OPCML: variants seen among roughly 807,000 people sequenced by gnomAD.
The protein encoded by OPCML is opioid-binding protein/cell adhesion molecule.
Under a neutral mutation model 37.8 loss-of-function variants are expected in OPCML, and 13 were observed. The observed-to-expected ratio is 0.34, with a 90% CI of 0.22 to 0.55. The LOEUF is 0.55. OPCML is among the 20% of genes least tolerant of loss of function. The probability of loss-of-function intolerance (pLI) is 0.91; values close to 1 mark genes in which losing one functional copy is unlikely to be tolerated. For missense variants in OPCML, 341 were observed against 435.6 expected, an observed-to-expected ratio of 0.78 and a Z score of 1.93; for synonymous variants, 176 against 168.8, an observed-to-expected ratio of 1.04 and a Z score of -0.33.
chr11:132,788,521 G>T (rs2136171818), intron 2 of OPCML, among the ~76,000 whole-genome samples: 1 of 152,224 alleles, frequency 6.6e-6, no homozygotes, highest in Non-Finnish European at 1.5e-5. Context: ...CGAGATACCT[G>T]TCCTTACAAT....
chr11:133,433,080 C>A (rs1173456908), intron 1 of OPCML, among the ~76,000 whole-genome samples: 6 of 151,826 alleles, frequency 4.0e-5, no homozygotes, highest in Non-Finnish European at 8.8e-5. Flanking sequence ...GTTTTGTATC[C>A]ATCTATTGAA....
In OPCML at chr11:132,415,728, A is replaced by T. The variant is rs2095936408; in HGVS notation, c.*4465T>A. 6.6e-6 allele frequency: 1 copy of T among 152,542 alleles called. No individual in the cohort carries two copies. Among genetic ancestry groups the T allele is most frequent in the Non-Finnish European group, 1.5e-5 (1 of 68,032 alleles). 9.4% of individuals were successfully genotyped at this position (152,542 alleles called of 1,614,324 possible). On this transcript the variant is annotated 3_prime_UTR_variant, in exon 8 of 8. Coordinates refer to ENST00000524381, the MANE Select transcript of OPCML (RefSeq NM_001012393.5). ...TTAAGTCCACTCCACATTTCTTTGG[A>T]CTCTAAGTATTCTGCACCTGAAGGC...
At chr11:132,731,804 G>A (rs1945085599) in intron 2 of OPCML, among the ~76,000 whole-genome samples, 1 of 152,152 alleles carries the variant, frequency 6.6e-6, no homozygotes, top group African/African-American at 2.4e-5. Flanking sequence ...CACAATTTAA[G>A]TCATGGCAAA....
intron 1 of OPCML, among the ~76,000 whole-genome samples, chr11:133,495,823 G>A (rs899999926): frequency 3.9e-5 from 6 of 151,944 alleles, no homozygotes; most frequent in African/African-American, 1.5e-4. Flanking sequence ...TGTATAGATT[G>A]TGAAGATTTT....
intron 1 of OPCML, among the ~76,000 whole-genome samples, chr11:133,317,864 C>T (rs1943241845): frequency 2.6e-5 from 4 of 152,204 alleles, no homozygotes; most frequent in Admixed American, 2.0e-4. Flanking sequence ...ATTGTAAGCT[C>T]ATGGTGATAG....
At chr11:132,603,260 C>A (rs1053061383) in intron 3 of OPCML, among the ~76,000 whole-genome samples, 8 of 152,166 alleles carry the variant, frequency 5.3e-5, no homozygotes, top group African/African-American at 1.9e-4. Flanking sequence ...TCAAATTCAA[C>A]ACACCCAAAA....
chr11:132,737,254 T>C (rs1240964289), intron 2 of OPCML, among the ~76,000 whole-genome samples: 1 of 152,220 alleles, frequency 6.6e-6, no homozygotes, highest in Non-Finnish European at 1.5e-5. Flanking sequence ...TCACACCTCT[T>C]TTATTTTTCA....
At chr11:132,652,825 T>A (rs1171316388) in intron 3 of OPCML, among the ~76,000 whole-genome samples, 1 of 152,218 alleles carries the variant, frequency 6.6e-6, no homozygotes, top group Non-Finnish European at 1.5e-5. Flanking sequence ...GCCACCTGTA[T>A]CTGCAGGAAG....
chr11:132,432,848 C>A (rs193175482), intron 7 of OPCML, among the ~76,000 whole-genome samples: 1 of 152,218 alleles, frequency 6.6e-6, no homozygotes, highest in South Asian at 2.1e-4. Flanking sequence ...AACAAGGAAT[C>A]TATCTGTTGA....
At chr11:133,209,036 A>C (rs1236785570) in intron 1 of OPCML, among the ~76,000 whole-genome samples, 1 of 152,196 alleles carries the variant, frequency 6.6e-6, no homozygotes, top group Non-Finnish European at 1.5e-5. Flanking sequence ...ACTCATCATG[A>C]ATGCCTTTCT....
intron 2 of OPCML, among the ~76,000 whole-genome samples, chr11:132,701,988 T>C (rs1943844640): frequency 6.6e-6 from 1 of 152,188 alleles, no homozygotes; most frequent in Admixed American, 6.6e-5. Flanking sequence ...TGTGTTGATA[T>C]CACAATTTAC....
At chr11:132,530,974 G>A (rs1488200289) in intron 3 of OPCML, among the ~76,000 whole-genome samples, 1 of 152,134 alleles carries the variant, frequency 6.6e-6, no homozygotes, top group Non-Finnish European at 1.5e-5. Context: ...CCCACATCCT[G>A]AAAGCAGAAG....
intron 1 of OPCML, among the ~76,000 whole-genome samples, chr11:133,258,888 T>C (rs904083809): frequency 5.3e-5 from 8 of 152,240 alleles, no homozygotes; most frequent in African/African-American, 1.7e-4. Flanking sequence ...GCATCCGCTC[T>C]GCTTTTCAAG....
intron 1 of OPCML, among the ~76,000 whole-genome samples, chr11:133,287,718 T>C (rs1033200689): frequency 1.3e-5 from 2 of 151,838 alleles, no homozygotes; most frequent in African/African-American, 4.8e-5. Context: ...ACTTTCCAGG[T>C]CAGCAGGGGC....
intron 1 of OPCML, among the ~76,000 whole-genome samples, chr11:133,439,930 C>T (rs113498550): frequency 5.3e-4 from 80 of 152,196 alleles, no homozygotes; most frequent in African/African-American, 1.8e-3. Flanking sequence ...ATATCCAGAA[C>T]GCCATTAATG....
intron 1 of OPCML, among the ~76,000 whole-genome samples, chr11:133,247,615 T>TTTC (rs1565528150): frequency 6.8e-6 from 1 of 146,288 alleles, no homozygotes; most frequent in African/African-American, 2.5e-5. Context: ...TTCTTTCTTT[T>TTTC]TTTTTTGAGG....
intron 1 of OPCML, among the ~76,000 whole-genome samples, chr11:133,370,484 GA>G (rs202101542): frequency 2.7e-3 from 231 of 85,966 alleles, no homozygotes; most frequent in South Asian, 0.016. Flanking sequence ...AGCTCAAACA[GA>G]AAAAAAAAAA....
chr11:132,462,972 T>C (rs1345950622), intron 4 of OPCML, among the ~76,000 whole-genome samples: 1 of 152,142 alleles, frequency 6.6e-6, no homozygotes, highest in Non-Finnish European at 1.5e-5. Context: ...CTGCACCTGC[T>C]GCTGCAATCT....
At chr11:132,873,929 T>C (rs1483734703) in intron 2 of OPCML, among the ~76,000 whole-genome samples, 1 of 152,168 alleles carries the variant, frequency 6.6e-6, no homozygotes, top group African/African-American at 2.4e-5. Context: ...ATTGCTCTGA[T>C]ATAGCAAATT....
Sources: allele counts gnomAD v4.1 joint callset (sites outside exome capture counted in the v4.1 genomes callset), GRCh38; gene constraint gnomAD v4.1.1; transcripts MANE v1.5; gene names NCBI Gene and HGNC (gene_info 2026-07-23, HGNC 2026-07-21).